SUCO: variants seen among roughly 807,000 people sequenced by gnomAD.
The protein encoded by SUCO is SUN domain-containing ossification factor.
A neutral mutation model predicts 148.1 loss-of-function variants in SUCO; 57 were observed. The ratio of observed to expected loss-of-function variants is 0.38; its 90% CI spans 0.31 to 0.48. SUCO has a LOEUF of 0.48. Ranked by LOEUF, SUCO falls within the 20% of genes least tolerant of loss-of-function variation. The probability of loss-of-function intolerance (pLI) is 0.96; values close to 1 mark genes in which losing one functional copy is unlikely to be tolerated. For synonymous variants in SUCO, 470 were observed against 502.7 expected (o/e 0.93, Z 0.87); for missense variants, 1,331 against 1,468.2 (o/e 0.91, Z 1.53).
chr1:172,555,912 T>G lies in SUCO; in HGVS notation c.332T>G (p.Leu111Arg), dbSNP rs756028327. Residue 111 changes from leucine to arginine, a missense_variant, in exon 4 of 24, where the codon CTC (leucine) becomes CGC (arginine). Physicochemically the swap from Leu to Arg is moderately radical, Grantham distance 102. Transcript: ENST00000263688. ...KKLSPPVVET[L>R]PTVDLHEESS... ...TTAAGTCCACCGGTGGTGGAGACAC[T>G]CCCTACAGTTGATTTGCATGAAGAG... The G allele has an allele frequency of 3.1e-6, 5 of 1,612,484 alleles. No individual in the cohort carries two copies. The East Asian group carries it at 1.1e-4, about 36-fold the overall frequency.
Position 172,570,767 on chromosome 1 carries a change from T to C in SUCO, c.1049+37T>C, listed in dbSNP as rs751438995. 1.9e-5 allele frequency: 22 copies of C among 1,183,864 alleles called. No individual in the cohort carries two copies. In the South Asian group the frequency reaches 2.8e-4, roughly 15 times the overall value. The allele number at this position is 1,183,864 out of a possible 1,614,324, so 73.3% of individuals were successfully genotyped here. A position where few individuals can be genotyped will look rare whatever the true frequency, so the allele number is the denominator to read the frequency against. ...ACAATTTTAAAAAGTACATTCTACATATATATGCATATTATGTTAAGCTTT... is the reference window on the plus strand; with the variant it reads ...ACAATTTTAAAAAGTACATTCTACACATATATGCATATTATGTTAAGCTTT... On this transcript the variant is annotated intron_variant, in intron 9 of 23. Coordinates refer to ENST00000263688, the MANE Select transcript of SUCO (RefSeq NM_014283.5).
rs557560497 is a variant in SUCO at position 172,564,415 on chromosome 1, G to C, written c.733-4604G>C. ...GGGTGGAGCTGCCCAGGGCCTTGGTGATGAATGAGTTCTTGCGTGATCTGG... is the reference window on the plus strand; with the variant it reads ...GGGTGGAGCTGCCCAGGGCCTTGGTCATGAATGAGTTCTTGCGTGATCTGG... On this transcript the variant is annotated intron_variant, in intron 6 of 23. Transcript: ENST00000263688. 1.9e-3 allele frequency among the ~76,000 whole-genome samples: 286 copies of C among 152,342 alleles called. 2 individuals are homozygous for C. The highest frequency in any genetic ancestry group is 6.7e-3 in the African/African-American group (277 of 41,580).
At chr1:172,592,708 C>T (rs1656761308) in intron 19 of SUCO, among the ~76,000 whole-genome samples, 1 of 152,134 alleles carries the variant, frequency 6.6e-6, no homozygotes, top group Non-Finnish European at 1.5e-5. Flanking sequence ...AGTCAGGTAG[C>T]ATGATGCCTC....
intron 1 of SUCO, among the ~76,000 whole-genome samples, chr1:172,549,449 A>G (rs1475928303): frequency 6.6e-6 from 1 of 151,924 alleles, no homozygotes; most frequent in Non-Finnish European, 1.5e-5. Flanking sequence ...ATTTGATAGT[A>G]TGATAAAAAA....
intron 15 of SUCO, chr1:172,584,529 T>G (rs181419478): frequency 9.6e-5 from 16 of 166,170 alleles, no homozygotes; most frequent in Admixed American, 5.2e-4. Flanking sequence ...TCCTAGCACT[T>G]TGAGAGGCTG....
At chr1:172,601,956 C>T in intron 20 of SUCO, 108 bp from the exon 21 acceptor site, 1 of 1,115,522 alleles carries the variant, frequency 9.0e-7, no homozygotes, top group South Asian at 2.1e-5. Context: ...GTCTTTGAAG[C>T]ACATTAAAAA....
chr1:172,593,208 T>A (rs968246341), intron 19 of SUCO, among the ~76,000 whole-genome samples: 24 of 152,364 alleles, frequency 1.6e-4, no homozygotes, highest in African/African-American at 5.8e-4. Flanking sequence ...TATACAGTCA[T>A]GTTATCTGCA....
intron 15 of SUCO, among the ~76,000 whole-genome samples, chr1:172,580,272 A>T (rs779395336): frequency 6.6e-6 from 1 of 152,128 alleles, no homozygotes; most frequent in Non-Finnish European, 1.5e-5. Context: ...GGATGGGAAA[A>T]AGAGTGTTAA....
intron 1 of SUCO, among the ~76,000 whole-genome samples, chr1:172,545,000 A>G (rs1652757071): frequency 1.3e-5 from 2 of 152,156 alleles, no homozygotes; most frequent in South Asian, 4.1e-4. Context: ...GGATTGAGAA[A>G]TGATTTGAAG....
intron 1 of SUCO, among the ~76,000 whole-genome samples, chr1:172,543,855 G>A (rs1403099995): frequency 2.0e-5 from 3 of 151,974 alleles, no homozygotes; most frequent in Non-Finnish European, 2.9e-5. Context: ...GATAGACCAA[G>A]CAGAAGAGAA....
In SUCO at chr1:172,589,468, A is replaced by G. The variant is rs1350893764; in HGVS notation, c.2367A>G (p.Lys789=). ...QKSESFSSIE[K]PSITYETNKV... ...CTGAGAGCTTTAGTTCTATAGAGAA[A>G]CCATCTATTACCTATGAAACAAATA... The change falls in exon 18 of 24, where the codon AAA becomes AAG. Residue 789 remains lysine, a synonymous_variant. Coordinates refer to ENST00000263688, the MANE Select transcript of SUCO (RefSeq NM_014283.5). 2.5e-6 allele frequency: 4 copies of G among 1,610,518 alleles called. No homozygotes were observed. The South Asian group carries it at 4.4e-5, about 18-fold the overall frequency.
At chr1:172,588,242 A>G in intron 17 of SUCO, 2 of 985,334 alleles carry the variant, frequency 2.0e-6, no homozygotes, top group Non-Finnish European at 2.4e-6. Context: ...TATGTTTGAG[A>G]CCAACCTAGC....
At chr1:172,601,294 A>C (rs1657506023) in intron 20 of SUCO, among the ~76,000 whole-genome samples, 1 of 152,134 alleles carries the variant, frequency 6.6e-6, no homozygotes, top group Admixed American at 6.5e-5. Context: ...GGTGGAGACC[A>C]GCCTCGCCAA....
chr1:172,555,463 C>T lies in SUCO; in HGVS notation c.289-406C>T, dbSNP rs977307315. 1.4e-5 allele frequency: 13 copies of T among 956,094 alleles called. No individual in the cohort carries two copies. In the South Asian group the frequency reaches 2.4e-4, roughly 18 times the overall value. 59.2% of individuals were successfully genotyped at this position (956,094 alleles called of 1,614,324 possible). On this transcript the variant is annotated intron_variant, in intron 3 of 23. Coordinates refer to ENST00000263688, the MANE Select transcript of SUCO (RefSeq NM_014283.5). Reference sequence around the variant, plus strand: ...GGTGTTACTTGAACATATCTTATATCGTTGCTTATTGATACACATTATTTC... The same window carrying T: ...GGTGTTACTTGAACATATCTTATATTGTTGCTTATTGATACACATTATTTC...
chr1:172,598,614 C>T (rs939016567), intron 19 of SUCO, among the ~76,000 whole-genome samples: 9 of 152,332 alleles, frequency 5.9e-5, no homozygotes, highest in Non-Finnish European at 1.2e-4. Flanking sequence ...GCCCCTTCCT[C>T]TGTATTTTCT....
intron 23 of SUCO, 56 bp from the exon 24 acceptor site, chr1:172,609,760 T>G: frequency 6.5e-7 from 1 of 1,540,408 alleles, no homozygotes; most frequent in Non-Finnish European, 8.7e-7. Context: ...TCTAGGTGTT[T>G]GATAAGGTTA....
intron 9 of SUCO, among the ~76,000 whole-genome samples, chr1:172,572,845 A>G (rs561593946): frequency 6.6e-6 from 1 of 152,180 alleles, no homozygotes; most frequent in Non-Finnish European, 1.5e-5. Flanking sequence ...TCGTTTATCT[A>G]TAAGTAGGCC....
At chr1:172,582,347 A>G (rs1655934094) in intron 15 of SUCO, among the ~76,000 whole-genome samples, 1 of 152,132 alleles carries the variant, frequency 6.6e-6, no homozygotes, top group Admixed American at 6.5e-5. Context: ...CTTCTGTTGT[A>G]TTATATAAAC....
At chr1:172,577,149 A>G in intron 11 of SUCO, 1 of 292,276 alleles carries the variant, frequency 3.4e-6, no homozygotes, top group Non-Finnish European at 5.1e-6. Flanking sequence ...CAATATATAA[A>G]TTCATATATG....
Sources: gnomAD v4.1 joint callset for allele counts (sites outside exome capture counted in the v4.1 genomes callset) on GRCh38, gnomAD v4.1.1 for gene constraint, MANE v1.5 for transcripts, NCBI Gene and HGNC (gene_info 2026-07-23, HGNC 2026-07-21) for gene names.